The following TPR variants were observed in gnomAD, a reference collection of about 807,000 sequenced individuals.
TPR encodes the protein translocated promoter region, nuclear basket protein.
Under a neutral mutation model 316.1 loss-of-function variants are expected in TPR, and 51 were observed. The ratio of observed to expected loss-of-function variants is 0.16; its 90% CI spans 0.13 to 0.20. The LOEUF (loss-of-function observed/expected upper bound fraction) is 0.20, where lower values mean the gene tolerates loss of function less well. Among genes scored for constraint, TPR ranks in the 10% least tolerant of loss-of-function variants. The pLI is 1.00. For missense variants in TPR, 2,272 were observed against 2,754.8 expected (o/e 0.82, Z 3.92); for synonymous variants, 981 against 914.7 (o/e 1.07, Z -1.31).
chr1:186,369,663 T>A (rs1260757515), intron 3 of TPR, among the ~76,000 whole-genome samples: 2 of 152,176 alleles, frequency 1.3e-5, no homozygotes, highest in African/African-American at 2.4e-5. Context: ...GTTTTCTACA[T>A]ATAGGATCAT....
chr1:186,372,989 A>T (rs771228493), intron 2 of TPR, among the ~76,000 whole-genome samples: 1 of 152,212 alleles, frequency 6.6e-6, no homozygotes, highest in Non-Finnish European at 1.5e-5. Flanking sequence ...TAGTTGCATA[A>T]TGCTTTCACC....
chr1:186,314,160 A>G lies in TPR; in HGVS notation c.7037-134T>C, dbSNP rs1040331874. ...AACTGTTGGGTATTCTACAACTTCAATGGAAATTATTACAAGCAGATTAAT... is the reference window on the plus strand; with the variant it reads ...AACTGTTGGGTATTCTACAACTTCAGTGGAAATTATTACAAGCAGATTAAT... On this transcript the variant is annotated intron_variant, in intron 50 of 50. Transcript: ENST00000367478. 9 of 720,202 alleles carry G rather than the reference A, an allele frequency of 1.2e-5. No individual in the cohort carries two copies. In the East Asian group the frequency reaches 1.3e-4, roughly 11 times the overall value. The allele number at this position is 720,202 out of a possible 1,614,324, so 44.6% of individuals were successfully genotyped here. A position where few individuals can be genotyped will look rare whatever the true frequency, so the allele number is the denominator to read the frequency against.
At position 186,313,821 on chromosome 1, in the gene TPR, A is replaced by T. The variant is rs776889793; in HGVS notation, c.*150T>A. The T allele has an allele frequency of 6.6e-7, 1 of 1,521,454 alleles. No individual in the cohort carries two copies. Among genetic ancestry groups the T allele is most frequent in the South Asian group, 1.1e-5 (1 of 89,126 alleles). 94.2% of individuals were successfully genotyped at this position (1,521,454 alleles called of 1,614,324 possible). Reference sequence around the variant, plus strand: ...GAGTCAACTAATGAAGAAATGAATAATAAATTTTGACACTGAAAAACATTT... The same window carrying T: ...GAGTCAACTAATGAAGAAATGAATATTAAATTTTGACACTGAAAAACATTT... On this transcript the variant is annotated 3_prime_UTR_variant, in exon 51 of 51. Coordinates refer to ENST00000367478, the MANE Select transcript of TPR (RefSeq NM_003292.3).
At chr1:186,357,927 T>A (rs1389245309) in intron 13 of TPR, among the ~76,000 whole-genome samples, 2 of 152,180 alleles carry the variant, frequency 1.3e-5, no homozygotes, top group African/African-American at 4.8e-5. Context: ...AAATATCTAT[T>A]TTTTTGTGTG....
rs914485710 is a variant in TPR at position 186,338,343 on chromosome 1, T to C, written c.4152-100A>G. 1.2e-5 allele frequency: 12 copies of C among 1,023,664 alleles called. No individual in the cohort carries two copies. In the Admixed American group the frequency reaches 1.5e-4, roughly 13 times the overall value. The allele number at this position is 1,023,664 out of a possible 1,614,324, so 63.4% of individuals were successfully genotyped here. A position where few individuals can be genotyped will look rare whatever the true frequency, so the allele number is the denominator to read the frequency against. ...TATGTTATACTGCTTTAATAACTTT[T>C]TTTTTTGAAAATCCTAAAAAATACC... On this transcript the variant is annotated intron_variant, in intron 30 of 50. Transcript: ENST00000367478.
intron 33 of TPR, among the ~76,000 whole-genome samples, chr1:186,335,979 C>T (rs1209401197): frequency 1.3e-5 from 2 of 151,970 alleles, no homozygotes; most frequent in African/African-American, 4.8e-5. Context: ...TAACAAAATC[C>T]AACTGATTTG....
Position 186,360,761 on chromosome 1 carries a change from A to G in TPR, c.1099+4T>C, listed in dbSNP as rs1344219065. 3 of 1,612,622 alleles carry G rather than the reference A, an allele frequency of 1.9e-6. No homozygotes were observed. Among genetic ancestry groups the G allele is most frequent in the Admixed American group, 1.7e-5 (1 of 59,886 alleles). Reference sequence around the variant, plus strand: ...ACTCACTAACAAGCATCTATTAGCCATACCTTTACGTTTTGTGGCAGAAAG... The same window carrying G: ...ACTCACTAACAAGCATCTATTAGCCGTACCTTTACGTTTTGTGGCAGAAAG... On this transcript the variant is annotated splice_donor_region_variant and intron_variant, in intron 10 of 50. Transcript: ENST00000367478.
chr1:186,363,047 TGATTATTCAAAA>T, intron 5 of TPR, 46 bp from the exon 6 acceptor site: 1 of 1,544,566 alleles, frequency 6.5e-7, no homozygotes, highest in Non-Finnish European at 8.6e-7. Flanking sequence ...AGATGATATA[TGATTATTCAAAA>T]GATTTTGTCT....
rs1297968278 is a variant in TPR at position 186,341,235 on chromosome 1, A to T, written c.3888+17T>A. 1 of 1,613,430 alleles carries T rather than the reference A, an allele frequency of 6.2e-7. No individual in the cohort carries two copies. Among genetic ancestry groups the T allele is most frequent in the East Asian group, 2.2e-5 (1 of 44,862 alleles). The stretch of plus-strand genomic sequence containing the variant: ...TAAAAACAACATGCTTCCACTCTTG[A>T]TAACTAAGCAACAAACCTTTGCTTG... On this transcript the variant is annotated intron_variant, in intron 28 of 50. Coordinates refer to ENST00000367478, the MANE Select transcript of TPR (RefSeq NM_003292.3).
At position 186,335,562 on chromosome 1, in the gene TPR, G is replaced by T. The variant is rs774607370; in HGVS notation, c.4706-19C>A. ...TTTACACCTAAAGAAGTAACCAGGC[G>T]ATTATATTAATATTATAATCAAACA... On this transcript the variant is annotated intron_variant, in intron 33 of 50. Coordinates refer to ENST00000367478, the MANE Select transcript of TPR (RefSeq NM_003292.3). 6 of 1,544,880 alleles carry T rather than the reference G, an allele frequency of 3.9e-6. No homozygotes were observed. The East Asian group carries it at 6.8e-5, about 17-fold the overall frequency.
chr1:186,357,308 A>G lies in TPR; in HGVS notation c.1724+89T>C, dbSNP rs560426379. The G allele has an allele frequency of 1.0e-4, 134 of 1,331,772 alleles. No homozygotes were observed. In the African/African-American group the frequency reaches 1.8e-3, roughly 17 times the overall value. 82.5% of individuals were successfully genotyped at this position (1,331,772 alleles called of 1,614,324 possible). The stretch of plus-strand genomic sequence containing the variant: ...AATGATACCCCATTTAGGCCTCCCA[A>G]AACGTTGGGATTACAGGCATGAGAC... On this transcript the variant is annotated intron_variant, in intron 14 of 50. Coordinates refer to ENST00000367478, the MANE Select transcript of TPR (RefSeq NM_003292.3).
chr1:186,331,034 G>A lies in TPR; in HGVS notation c.5688+464C>T, dbSNP rs937055579. Reference sequence around the variant, plus strand: ...TAACTTCAGGGTCTATATTCTCTCCGCTAGTAAAACTGCTAGGGGAACCTC... The same window carrying A: ...TAACTTCAGGGTCTATATTCTCTCCACTAGTAAAACTGCTAGGGGAACCTC... On this transcript the variant is annotated intron_variant, in intron 39 of 50. Coordinates refer to ENST00000367478, the MANE Select transcript of TPR (RefSeq NM_003292.3). 2.5e-4 allele frequency among the ~76,000 whole-genome samples: 38 copies of A among 152,110 alleles called. 1 individual carries two copies. The highest frequency in any genetic ancestry group is 8.2e-4 in the African/African-American group (34 of 41,504).
chr1:186,375,250 G>A lies in TPR; in HGVS notation c.-222C>T, dbSNP rs1045780062. ...CAACAGCACCTCACCGCCCGCGACC[G>A]AAGTGCGCGCGCAGCCGTTGGAAGC... is the stretch of plus-strand genomic sequence containing the variant. On this transcript the variant is annotated 5_prime_UTR_variant, in exon 1 of 51. Transcript: ENST00000367478. The A allele has an allele frequency of 1.4e-6, 2 of 1,443,246 alleles. No individual in the cohort carries two copies. The allele number at this position is 1,443,246 out of a possible 1,614,324, so 89.4% of individuals were successfully genotyped here.
chr1:186,350,357 T>C lies in TPR; in HGVS notation c.2642A>G (p.Asp881Gly), dbSNP rs1658822837. ...VQLLDTKRQL[D>G]TETNLHLNTK... ...GTTAAGATGAAGATTTGTCTCTGTA[T>C]CCAGTTGTCTCTTTGTATCTAAAAG... The change falls in exon 21 of 51, where the codon GAT becomes GGT. Residue 881 changes from aspartate (D) to glycine (G), a missense_variant. By Grantham distance (94) the Asp-to-Gly change is moderately conservative. Coordinates refer to ENST00000367478, the MANE Select transcript of TPR (RefSeq NM_003292.3). 1 of 1,608,718 alleles carries C rather than the reference T, an allele frequency of 6.2e-7. No individual in the cohort carries two copies. Among genetic ancestry groups the C allele is most frequent in the Admixed American group, 1.7e-5 (1 of 59,094 alleles).
At chr1:186,323,622 G>C (rs1195201014) in intron 43 of TPR, 64 bp downstream of exon 43, 4 of 1,358,068 alleles carry the variant, frequency 2.9e-6, no homozygotes, top group African/African-American at 3.0e-5. Flanking sequence ...ATACATAATG[G>C]AAAGGGAGAA....
At position 186,346,242 on chromosome 1, in the gene TPR, A is replaced by C; in HGVS notation, c.2989T>G (p.Ser997Ala). The C allele has an allele frequency of 6.2e-7, 1 of 1,612,952 alleles. No homozygotes were observed. ...RKNIEVRLKE[S>A]AEFQTQLEKK... ...TCCAACTGTGTCTGAAATTCAGCTG[A>C]CTCTTTTAAACGAACTTCAATATTC... is the stretch of plus-strand genomic sequence containing the variant. Residue 997 changes from serine (S) to alanine (A), a missense_variant, in exon 23 of 51, where the codon TCA (serine) becomes GCA (alanine). Ser to Ala is a moderately conservative substitution (Grantham distance 99). Coordinates refer to ENST00000367478, the MANE Select transcript of TPR (RefSeq NM_003292.3).
rs376267970 is a variant in TPR at position 186,344,205 on chromosome 1, CAGG to C, written c.3418-118_3418-116del. The stretch of plus-strand genomic sequence containing the variant: ...ATCCCGACTACTTGGGAGGCTGAGG[CAGG>C]AGAATTGCTTGAACCCAGCAGGTGG... On this transcript the variant is annotated intron_variant, in intron 25 of 50. Transcript: ENST00000367478. 431 of 1,398,772 alleles carry C rather than the reference CAGG, an allele frequency of 3.1e-4. 5 individuals are homozygous for C. In the South Asian group the frequency reaches 5.7e-3, roughly 18 times the overall value. 86.6% of individuals were successfully genotyped at this position (1,398,772 alleles called of 1,614,324 possible). A position where few individuals can be genotyped will look rare whatever the true frequency, so the allele number is the denominator to read the frequency against.
In TPR at chr1:186,351,176, A is replaced by G. The variant is rs115528536; in HGVS notation, c.2610+154T>C. Among the ~76,000 whole-genome samples the G allele has an allele frequency of 6.1e-3, 929 of 152,336 alleles. 14 individuals are homozygous for G. The highest frequency in any genetic ancestry group is 0.022 in the African/African-American group (897 of 41,576). ...TAAAACTCACAATATATGGCACCCA[A>G]TAAAAAAATTACTGGGTATAGAGTG... On this transcript the variant is annotated intron_variant, in intron 20 of 50. Transcript: ENST00000367478.
chr1:186,345,540 T>C (rs1360495378), intron 24 of TPR, 40 bp downstream of exon 24: 2 of 1,443,140 alleles, frequency 1.4e-6, no homozygotes, highest in Admixed American at 3.4e-5. Flanking sequence ...AATCATTCTC[T>C]AGGATCGAAG....
Sources: gnomAD v4.1 joint callset for allele counts (sites outside exome capture counted in the v4.1 genomes callset) on GRCh38, gnomAD v4.1.1 for gene constraint, MANE v1.5 for transcripts, NCBI Gene and HGNC (gene_info 2026-07-23, HGNC 2026-07-21) for gene names.